Variants in DLG1 observed in about 807,000 individuals in gnomAD.
DLG1 encodes the protein discs large MAGUK scaffold protein 1.
DLG1 carries 42 observed loss-of-function variants against 123.4 expected under a neutral mutation model. That is an observed-to-expected ratio of 0.34 (90% CI 0.27 to 0.44). DLG1 has a LOEUF of 0.44. DLG1 is among the 20% of genes least tolerant of loss of function. The pLI is 1.00. For synonymous variants in DLG1, 317 were observed against 356.2 expected (o/e 0.89, Z 1.24); for missense variants, 942 against 1,082.6 (o/e 0.87, Z 1.82).
intron 9 of DLG1, among the ~76,000 whole-genome samples, chr3:197,137,311 A>G (rs891745244): frequency 9.2e-5 from 14 of 152,192 alleles, no homozygotes; most frequent in Admixed American, 5.9e-4. Flanking sequence ...TCACATCTTA[A>G]CAGTCCTTTA....
chr3:197,057,993 T>C (rs1054774563), intron 23 of DLG1, among the ~76,000 whole-genome samples: 1 of 152,116 alleles, frequency 6.6e-6, no homozygotes, highest in East Asian at 1.9e-4. Context: ...CTTTTTTTTT[T>C]CCTTGGGACA....
In DLG1 at chr3:197,272,264, T is replaced by C. The variant is rs771728383; in HGVS notation, c.318+10415A>G. Among the ~76,000 whole-genome samples, 6 of 151,774 alleles carry C rather than the reference T, an allele frequency of 4.0e-5. No homozygotes were observed. The South Asian group carries it at 6.2e-4, about 16-fold the overall frequency. ...CTACTTGGGAGGCTGAGGCAGAGGA[T>C]AGCTTGAGCCCGTTAGTTCAAGGGT... On this transcript the variant is annotated intron_variant, in intron 4 of 24. Coordinates refer to ENST00000667157, the MANE Select transcript of DLG1 (RefSeq NM_001366207.1).
intron 11 of DLG1, among the ~76,000 whole-genome samples, chr3:197,122,051 A>G (rs1012784914): frequency 6.6e-6 from 1 of 152,036 alleles, no homozygotes; most frequent in Non-Finnish European, 1.5e-5. Flanking sequence ...ATTTCAGGAC[A>G]CTATCGTTAA....
At chr3:197,100,791 A>G (rs1763045004) in intron 14 of DLG1, among the ~76,000 whole-genome samples, 2 of 152,194 alleles carry the variant, frequency 1.3e-5, no homozygotes, top group Admixed American at 6.5e-5. Flanking sequence ...TCTGACTAAA[A>G]GGTGCAGCTT....
intron 11 of DLG1, 56 bp from the exon 12 acceptor site, chr3:197,119,586 T>A: frequency 6.6e-7 from 1 of 1,506,682 alleles, no homozygotes; most frequent in Non-Finnish European, 9.0e-7. Context: ...CAATCAGTAT[T>A]CCATTTATGA....
intron 5 of DLG1, among the ~76,000 whole-genome samples, chr3:197,192,139 T>TCC (rs1427440865): frequency 3.3e-5 from 5 of 149,922 alleles, no homozygotes; most frequent in Non-Finnish European, 5.9e-5. Context: ...GCCAATGCAC[T>TCC]CCAGCCTGGG....
intron 14 of DLG1, among the ~76,000 whole-genome samples, chr3:197,098,114 A>G (rs964186812): frequency 3.3e-5 from 5 of 152,188 alleles, no homozygotes; most frequent in Admixed American, 2.6e-4. Context: ...GTTGCTCTTG[A>G]AACAAAAGAG....
At position 197,076,694 on chromosome 3, in the gene DLG1, GAGA is replaced by G; in HGVS notation, c.1906-12_1906-10del. 1.2e-6 allele frequency: 2 copies of G among 1,606,768 alleles called. No individual in the cohort carries two copies. Among genetic ancestry groups the G allele is most frequent in the Non-Finnish European group, 1.7e-6 (2 of 1,174,078 alleles). ...TTGTCATTGAATGACTGCTGAAGAA[GAGA>G]AGGAGGGGCAAAACAAAGGGATGTC... On this transcript the variant is annotated splice_polypyrimidine_tract_variant and intron_variant, in intron 17 of 24. Coordinates refer to ENST00000667157, the MANE Select transcript of DLG1 (RefSeq NM_001366207.1).
intron 13 of DLG1, among the ~76,000 whole-genome samples, chr3:197,108,320 G>T (rs1008559092): frequency 2.0e-5 from 3 of 152,158 alleles, no homozygotes; most frequent in African/African-American, 7.2e-5. Context: ...AGAATGAGCT[G>T]GAAAGCATTC....
rs956389436 is a variant in DLG1, at chr3:197,277,910, G to A, written c.318+4769C>T. Among the ~76,000 whole-genome samples, 161 of 150,936 alleles carry A rather than the reference G, an allele frequency of 1.1e-3. 1 individual carries two copies. The highest frequency in any genetic ancestry group is 1.9e-3 in the Non-Finnish European group (126 of 67,716). ...GCTACTCTGGAGGCTGAGGTGGGAG[G>A]ACTGCTGGAGACCACCACCAGGAGT... On this transcript the variant is annotated intron_variant, in intron 4 of 24. Coordinates refer to ENST00000667157, the MANE Select transcript of DLG1 (RefSeq NM_001366207.1).
At chr3:197,050,038 G>C (rs762918490) in intron 24 of DLG1, among the ~76,000 whole-genome samples, 1 of 151,958 alleles carries the variant, frequency 6.6e-6, no homozygotes, top group Non-Finnish European at 1.5e-5. Context: ...TCCAGCCTGG[G>C]CAAGAACAAA....
At chr3:197,161,874 A>G (rs888311259) in intron 5 of DLG1, 1 of 554,006 alleles carries the variant, frequency 1.8e-6, no homozygotes, top group Non-Finnish European at 3.2e-6. Flanking sequence ...AATACATTAC[A>G]CTAATATAAA....
At chr3:197,281,616 G>C (rs1001039893) in intron 4 of DLG1, among the ~76,000 whole-genome samples, 1 of 152,160 alleles carries the variant, frequency 6.6e-6, no homozygotes, top group African/African-American at 2.4e-5. Flanking sequence ...AAAGTGTAAA[G>C]AAAATAAGGA....
chr3:197,053,498 ATGG>A (rs1256922074), intron 23 of DLG1, among the ~76,000 whole-genome samples: 4 of 151,860 alleles, frequency 2.6e-5, no homozygotes, highest in African/African-American at 9.7e-5. Flanking sequence ...CTGGCAGGGC[ATGG>A]TGGCTCAAGC....
chr3:197,204,821 A>G (rs1201585989), intron 4 of DLG1, among the ~76,000 whole-genome samples: 1 of 152,196 alleles, frequency 6.6e-6, no homozygotes, highest in Non-Finnish European at 1.5e-5. Context: ...CTTGGGCATC[A>G]GCATCCACTG....
intron 17 of DLG1, chr3:197,080,453 CCTTT>C (rs1335333588): frequency 7.0e-5 from 5 of 71,766 alleles, no homozygotes; most frequent in Admixed American, 4.4e-4. Flanking sequence ...TAATTTTTTA[CCTTT>C]TTTTTTTTTT....
chr3:197,289,328 G>A (rs545930359), intron 3 of DLG1, among the ~76,000 whole-genome samples: 8 of 128,896 alleles, frequency 6.2e-5, no homozygotes, highest in African/African-American at 2.1e-4. Flanking sequence ...GGGGTGGCGT[G>A]TATACACGCG....
At chr3:197,142,869 G>A in intron 6 of DLG1, 101 bp from the exon 7 acceptor site, 1 of 819,096 alleles carries the variant, frequency 1.2e-6, no homozygotes, top group South Asian at 1.6e-5. Context: ...CCTGTTGAAT[G>A]CGACAGTAAT....
chr3:197,153,047 T>A (rs1383798854), intron 5 of DLG1, among the ~76,000 whole-genome samples: 2 of 152,206 alleles, frequency 1.3e-5, no homozygotes, highest in Non-Finnish European at 2.9e-5. Context: ...AGTTTCATTA[T>A]GTTATTTGTC....
Sources: allele counts gnomAD v4.1 joint callset (sites outside exome capture counted in the v4.1 genomes callset), GRCh38; gene constraint gnomAD v4.1.1; transcripts MANE v1.5; gene names NCBI Gene and HGNC (gene_info 2026-07-23, HGNC 2026-07-21).